SPTSSB: variants seen among roughly 807,000 people sequenced by gnomAD.
SPTSSB encodes androgen down regulated in mouse prostate.
Under a neutral mutation model 7.7 loss-of-function variants are expected in SPTSSB, and 6 were observed. The observed-to-expected ratio is 0.78, with a 90% CI of 0.43 to 1.54. SPTSSB has a LOEUF of 1.54. Ranked by LOEUF, SPTSSB falls within the 40% of genes most tolerant of loss-of-function variation. The pLI is 0.01. For synonymous variants in SPTSSB, 28 were observed against 29.7 expected (o/e 0.94, Z 0.19); for missense variants, 91 against 93.0 (o/e 0.98, Z 0.09).
intron 1 of SPTSSB, among the ~76,000 whole-genome samples, chr3:161,368,177 C>T (rs1037462264): frequency 6.6e-6 from 1 of 152,168 alleles, no homozygotes; most frequent in African/African-American, 2.4e-5. Flanking sequence ...GGTCAAATGG[C>T]ACATGCGGAT....
chr3:161,356,125 G>A (rs1714761731), intron 2 of SPTSSB, among the ~76,000 whole-genome samples: 1 of 152,146 alleles, frequency 6.6e-6, no homozygotes, highest in Non-Finnish European at 1.5e-5. Context: ...AAACTCAGAA[G>A]AGCCAAACCC....
At chr3:161,350,339 A>G (rs1714467808) in intron 2 of SPTSSB, among the ~76,000 whole-genome samples, 1 of 152,170 alleles carries the variant, frequency 6.6e-6, no homozygotes, top group Non-Finnish European at 1.5e-5. Context: ...TTTTCTCATT[A>G]AGGAATTTCC....
intron 2 of SPTSSB, among the ~76,000 whole-genome samples, chr3:161,355,074 C>T (rs2108159960): frequency 6.6e-6 from 1 of 152,284 alleles, no homozygotes; most frequent in South Asian, 2.1e-4. Flanking sequence ...TGTCCTTTCA[C>T]TTCCTAACAG....
chr3:161,345,981 AAG>A lies in SPTSSB; in HGVS notation c.*110_*111del, dbSNP rs751762087. On this transcript the variant is annotated 3_prime_UTR_variant, in exon 3 of 3. Coordinates refer to ENST00000620149, the MANE Select transcript of SPTSSB (RefSeq NM_001040100.2). ...AGGCAGAATATAAGAGTGCATAGAGAAGAGAGTGCTTTTCAGGTCAGATAGTG... is the reference window on the plus strand; with the variant it reads ...AGGCAGAATATAAGAGTGCATAGAGAAGAGTGCTTTTCAGGTCAGATAGTG... 3 of 644,110 alleles carry A rather than the reference AAG, an allele frequency of 4.7e-6. No individual in the cohort carries two copies. The highest frequency in any genetic ancestry group is 8.3e-6 in the Non-Finnish European group (3 of 359,562). 39.9% of individuals were successfully genotyped at this position (644,110 alleles called of 1,614,324 possible).
intron 2 of SPTSSB, among the ~76,000 whole-genome samples, chr3:161,356,790 C>T (rs2108161350): frequency 6.6e-6 from 1 of 152,118 alleles, no homozygotes; most frequent in South Asian, 2.1e-4. Flanking sequence ...CCTTTCATTG[C>T]CCTCAGTTGA....
chr3:161,349,067 T>G (rs1486546687), intron 2 of SPTSSB, among the ~76,000 whole-genome samples: 1 of 152,074 alleles, frequency 6.6e-6, no homozygotes, highest in Non-Finnish European at 1.5e-5. Context: ...AGTAATGTGG[T>G]TAGGAGAATT....
intron 1 of SPTSSB, among the ~76,000 whole-genome samples, chr3:161,367,257 G>T (rs1253197788): frequency 9.9e-5 from 15 of 152,156 alleles, no homozygotes; most frequent in Non-Finnish European, 1.9e-4. Flanking sequence ...TTTAATTAGA[G>T]AAAATATTAC....
At chr3:161,360,887 C>T (rs545442176) in intron 1 of SPTSSB, among the ~76,000 whole-genome samples, 1 of 152,004 alleles carries the variant, frequency 6.6e-6, no homozygotes, top group East Asian at 1.9e-4. Context: ...CATTTTAAAC[C>T]AATAGTTTTG....
At chr3:161,355,685 G>A (rs759483995) in intron 2 of SPTSSB, among the ~76,000 whole-genome samples, 3 of 152,150 alleles carry the variant, frequency 2.0e-5, no homozygotes, top group Admixed American at 1.3e-4. Flanking sequence ...CTGGGGAGAC[G>A]CAGAAATACA....
intron 1 of SPTSSB, among the ~76,000 whole-genome samples, chr3:161,366,176 C>T (rs1186758622): frequency 6.6e-6 from 1 of 152,100 alleles, no homozygotes; most frequent in East Asian, 1.9e-4. Context: ...GAGGAAGAGA[C>T]CAAAAGCAAA....
intron 1 of SPTSSB, among the ~76,000 whole-genome samples, chr3:161,371,057 G>C (rs1475778304): frequency 6.6e-6 from 1 of 152,186 alleles, no homozygotes; most frequent in Non-Finnish European, 1.5e-5. Flanking sequence ...TGGGCAGAGA[G>C]GGATTGTATA....
chr3:161,358,310 T>C (rs1339915250), intron 2 of SPTSSB, among the ~76,000 whole-genome samples: 2 of 152,090 alleles, frequency 1.3e-5, no homozygotes, highest in East Asian at 3.9e-4. Flanking sequence ...TGGGTGAGAA[T>C]CCTGCTGACA....
chr3:161,351,393 G>A (rs1434284065), intron 2 of SPTSSB, among the ~76,000 whole-genome samples: 2 of 152,132 alleles, frequency 1.3e-5, no homozygotes, highest in Non-Finnish European at 2.9e-5. Context: ...GCCTTCAAAG[G>A]TCCAGAGTTA....
At chr3:161,358,089 A>G (rs2108162517) in intron 2 of SPTSSB, among the ~76,000 whole-genome samples, 1 of 135,288 alleles carries the variant, frequency 7.4e-6, no homozygotes, top group African/African-American at 2.9e-5. Context: ...TATGTTGTCC[A>G]GGCTGGTCTG....
At chr3:161,348,875 A>G (rs1714389528) in intron 2 of SPTSSB, among the ~76,000 whole-genome samples, 1 of 152,176 alleles carries the variant, frequency 6.6e-6, no homozygotes, top group African/African-American at 2.4e-5. Flanking sequence ...GAAGGTGAGA[A>G]GAGGGAGAGT....
chr3:161,352,523 A>G (rs1479540628), intron 2 of SPTSSB, among the ~76,000 whole-genome samples: 1 of 152,216 alleles, frequency 6.6e-6, no homozygotes, highest in Non-Finnish European at 1.5e-5. Flanking sequence ...CCACAAGACT[A>G]TGAGGGCTTT....
At chr3:161,367,424 G>A (rs896172954) in intron 1 of SPTSSB, among the ~76,000 whole-genome samples, 3 of 152,208 alleles carry the variant, frequency 2.0e-5, no homozygotes, top group South Asian at 2.1e-4. Context: ...TAAAGCTAAG[G>A]GTATGGTTTG....
intron 1 of SPTSSB, 111 bp downstream of exon 1, chr3:161,371,324 C>A (rs1715500013): frequency 2.8e-6 from 2 of 709,510 alleles, no homozygotes; most frequent in African/African-American, 1.9e-5. Context: ...AAATAATAAA[C>A]TGATAAATTG....
chr3:161,362,796 G>T (rs336588), intron 1 of SPTSSB, among the ~76,000 whole-genome samples: 11,311 of 151,940 alleles, frequency 0.074, 611 homozygotes, highest in East Asian at 0.24. Flanking sequence ...ACTTTCTACG[G>T]TATCTAATTT....
Sources: allele counts gnomAD v4.1 joint callset (sites outside exome capture counted in the v4.1 genomes callset), GRCh38; gene constraint gnomAD v4.1.1; transcripts MANE v1.5; gene names NCBI Gene and HGNC (gene_info 2026-07-23, HGNC 2026-07-21).